Variants in COLEC11 observed in about 807,000 individuals in gnomAD.
COLEC11 encodes the protein collectin subfamily member 11.
In COLEC11, 20 loss-of-function variants were observed where a neutral mutation model predicts 27.3. The ratio of observed to expected loss-of-function variants is 0.73; its 90% CI spans 0.51 to 1.06. COLEC11 has a LOEUF of 1.06. Ranked by LOEUF, COLEC11 falls within the 50% of genes least tolerant of loss-of-function variation. The probability of loss-of-function intolerance (pLI) is 0.00; values close to 1 mark genes in which losing one functional copy is unlikely to be tolerated. For missense variants in COLEC11, 310 were observed against 383.0 expected, an observed-to-expected ratio of 0.81 and a Z score of 1.59; for synonymous variants, 163 against 154.7, an observed-to-expected ratio of 1.05 and a Z score of -0.40.
chr2:3,631,160 G>A (rs1476230515), intron 3 of COLEC11, among the ~76,000 whole-genome samples: 1 of 151,984 alleles, frequency 6.6e-6, no homozygotes, highest in East Asian at 1.9e-4. Flanking sequence ...GAACCTGGGA[G>A]GCAGAGGTTG....
chr2:3,614,444 T>C (rs1449290504), intron 3 of COLEC11, among the ~76,000 whole-genome samples: 4 of 152,228 alleles, frequency 2.6e-5, no homozygotes, highest in African/African-American at 9.6e-5. Context: ...AGGTATAATT[T>C]ATGGTCATTC....
In COLEC11 at chr2:3,644,028, C is replaced by T. The variant is rs200835001; in HGVS notation, c.726C>T (p.Cys242=). The T allele has an allele frequency of 3.0e-5, 48 of 1,613,912 alleles. No homozygotes were observed. The highest frequency in any genetic ancestry group is 1.0e-4 in the Admixed American group (6 of 60,036). ...ACAATGCCTACGACGAGGAGGACTGCGTGGAGATGGTGGCCTCGGGCGGCT... is the reference window on the plus strand; with the variant it reads ...ACAATGCCTACGACGAGGAGGACTGTGTGGAGATGGTGGCCTCGGGCGGCT... ...EPNNAYDEED[C]VEMVASGGWN... The change falls in exon 7 of 7, where the codon TGC becomes TGT. Residue 242 remains cysteine, a synonymous_variant. Coordinates refer to ENST00000349077, the MANE Select transcript of COLEC11 (RefSeq NM_024027.5).
At chr2:3,616,761 AGAGGGAGACCGTGGGGAGAGGG>A (rs1663780261) in intron 3 of COLEC11, among the ~76,000 whole-genome samples, 4 of 150,126 alleles carry the variant, frequency 2.7e-5, no homozygotes, top group African/African-American at 7.6e-5. Context: ...AAAGAGAGGG[AGAGGGAGACCGTGGGGAGAGGG>A]AGAGGGAGAC....
At chr2:3,612,355 A>G (rs1442341866) in intron 2 of COLEC11, among the ~76,000 whole-genome samples, 1 of 152,100 alleles carries the variant, frequency 6.6e-6, no homozygotes, top group Non-Finnish European at 1.5e-5. Context: ...AAAAATGACT[A>G]CAGAGCCGAG....
intron 3 of COLEC11, among the ~76,000 whole-genome samples, chr2:3,630,187 A>G (rs7602243): frequency 0.085 from 12,974 of 152,166 alleles, 1,842 homozygotes; most frequent in African/African-American, 0.3. Flanking sequence ...CTGTGCATGC[A>G]TATGTGTATA....
intron 2 of COLEC11, among the ~76,000 whole-genome samples, chr2:3,607,448 G>GATTTTTTTTT (rs1558490430): frequency 1.5e-5 from 1 of 65,222 alleles, no homozygotes; most frequent in Non-Finnish European, 3.9e-5. Flanking sequence ...TTTTTTTTTT[G>GATTTTTTTTT]CTTTTTTTTT....
chr2:3,633,916 C>T (rs1037952793), intron 3 of COLEC11, among the ~76,000 whole-genome samples: 2 of 152,214 alleles, frequency 1.3e-5, no homozygotes, highest in Non-Finnish European at 2.9e-5. Flanking sequence ...CAACACGAAA[C>T]AGCAGATGTG....
intron 1 of COLEC11, among the ~76,000 whole-genome samples, chr2:3,596,393 A>G (rs370444960): frequency 9.1e-4 from 136 of 149,244 alleles, no homozygotes; most frequent in African/African-American, 3.0e-3. Flanking sequence ...CTGGAGTGCA[A>G]TGGCACCGTC....
intron 3 of COLEC11, among the ~76,000 whole-genome samples, chr2:3,633,950 T>C (rs1282406853): frequency 6.6e-6 from 1 of 152,174 alleles, no homozygotes; most frequent in Non-Finnish European, 1.5e-5. Flanking sequence ...TATCAGCTTT[T>C]CTGTAGGACC....
chr2:3,641,884 A>G (rs6708558), intron 5 of COLEC11, among the ~76,000 whole-genome samples: 133,930 of 152,192 alleles, frequency 0.88, 59,315 homozygotes, highest in East Asian at 1. Context: ...CCACCCGCAC[A>G]CCGCAGCGAT....
intron 5 of COLEC11, among the ~76,000 whole-genome samples, chr2:3,642,799 C>G (rs930131892): frequency 6.6e-6 from 1 of 152,200 alleles, no homozygotes; most frequent in Admixed American, 6.5e-5. Flanking sequence ...TTCCTCACTT[C>G]CTCCCAGGCC....
intron 1 of COLEC11, chr2:3,603,617 T>G (rs1243558650): frequency 8.4e-6 from 13 of 1,550,778 alleles, no homozygotes; most frequent in Non-Finnish European, 1.1e-5. Context: ...GCGCCTGGTC[T>G]TGTTTTCCAA....
At chr2:3,641,844 C>A (rs1572481214) in intron 5 of COLEC11, among the ~76,000 whole-genome samples, 1 of 152,154 alleles carries the variant, frequency 6.6e-6, no homozygotes, top group African/African-American at 2.4e-5. Context: ...AGACTCTGCC[C>A]AGTGGAAACT....
intron 3 of COLEC11, among the ~76,000 whole-genome samples, chr2:3,627,573 A>G (rs974350892): frequency 6.1e-5 from 9 of 146,568 alleles, no homozygotes; most frequent in Non-Finnish European, 1.0e-4. Flanking sequence ...GACGGTCTGC[A>G]TCTGGGCATG....
At chr2:3,603,671 TA>T (rs1445491298) in intron 1 of COLEC11, 3 of 1,550,918 alleles carry the variant, frequency 1.9e-6, no homozygotes, top group Admixed American at 2.0e-5. Context: ...GGTCAGCACG[TA>T]CCCGCCCCTC....
chr2:3,629,787 T>C (rs934497666), intron 3 of COLEC11, among the ~76,000 whole-genome samples: 4 of 152,212 alleles, frequency 2.6e-5, no homozygotes, highest in East Asian at 1.9e-4. Context: ...AGCCCAGCTG[T>C]TAAAAATCAC....
chr2:3,638,018 G>A (rs1665557250), intron 4 of COLEC11, among the ~76,000 whole-genome samples: 1 of 152,242 alleles, frequency 6.6e-6, no homozygotes, highest in African/African-American at 2.4e-5. Context: ...TCGAGGTGAT[G>A]GGATGGTTCT....
In COLEC11 at chr2:3,644,371, A is replaced by G; in HGVS notation, c.*253A>G. Reference sequence around the variant, plus strand: ...GTAGCCCCAATGTCATTATGTAATTATTACCCAGAATTGCTCTTCCATAAA... The same window carrying G: ...GTAGCCCCAATGTCATTATGTAATTGTTACCCAGAATTGCTCTTCCATAAA... On this transcript the variant is annotated 3_prime_UTR_variant, in exon 7 of 7. Coordinates refer to ENST00000349077, the MANE Select transcript of COLEC11 (RefSeq NM_024027.5). 1.5e-6 allele frequency: 1 copy of G among 662,156 alleles called. No individual in the cohort carries two copies. The highest frequency in any genetic ancestry group is 2.8e-6 in the Non-Finnish European group (1 of 361,652). 41.0% of individuals were successfully genotyped at this position (662,156 alleles called of 1,614,324 possible).
chr2:3,639,881 C>G (rs969915443), intron 4 of COLEC11, among the ~76,000 whole-genome samples: 4 of 152,230 alleles, frequency 2.6e-5, no homozygotes, highest in Non-Finnish European at 5.9e-5. Flanking sequence ...GCTCTCAGGC[C>G]TGCGTGGCGC....
Sources: gnomAD v4.1 joint callset for allele counts (sites outside exome capture counted in the v4.1 genomes callset) on GRCh38, gnomAD v4.1.1 for gene constraint, MANE v1.5 for transcripts, NCBI Gene and HGNC (gene_info 2026-07-23, HGNC 2026-07-21) for gene names.